The following RERE variants were observed in gnomAD, a reference collection of about 807,000 sequenced individuals.
RERE encodes the protein arginine-glutamic acid dipeptide repeats.
RERE carries 40 observed loss-of-function variants against 146.1 expected under a neutral mutation model. That is an observed-to-expected ratio of 0.27 (90% CI 0.21 to 0.36). The LOEUF is 0.36. Ranked by LOEUF, RERE falls within the 10% of genes least tolerant of loss-of-function variation. The pLI, the probability that RERE is intolerant of heterozygous loss-of-function variation, is 1.00. For missense variants in RERE, 1,933 were observed against 2,138.7 expected (o/e 0.90, Z 1.90); for synonymous variants, 1,003 against 866.0 (o/e 1.16, Z -2.78).
chr1:8,743,227 C>G (rs538698867), intron 1 of RERE, among the ~76,000 whole-genome samples: 5 of 151,908 alleles, frequency 3.3e-5, no homozygotes, highest in African/African-American at 1.2e-4. Flanking sequence ...AAGACCCCAT[C>G]TCTACAAAAA....
chr1:8,737,514 A>G (rs952905879), intron 1 of RERE, among the ~76,000 whole-genome samples: 3 of 152,170 alleles, frequency 2.0e-5, no homozygotes, highest in African/African-American at 7.2e-5. Context: ...TTGAAAAACA[A>G]TTGCAAGTTG....
intron 1 of RERE, among the ~76,000 whole-genome samples, chr1:8,711,139 A>C (rs1434742118): frequency 9.4e-6 from 1 of 106,426 alleles, no homozygotes; most frequent in African/African-American, 3.7e-5. Context: ...CCTGGGTGAC[A>C]GAGTGTGACT....
chr1:8,634,264 G>A (rs780358662), intron 2 of RERE, among the ~76,000 whole-genome samples: 2 of 152,022 alleles, frequency 1.3e-5, no homozygotes, highest in Non-Finnish European at 2.9e-5. Flanking sequence ...GTTCTATTCA[G>A]TTATCTGCCC....
At chr1:8,406,377 A>G (rs555554661) in intron 12 of RERE, among the ~76,000 whole-genome samples, 39 of 152,276 alleles carry the variant, frequency 2.6e-4, no homozygotes, top group African/African-American at 9.1e-4. Flanking sequence ...AGTCAGATTA[A>G]TATTTTCAAG....
chr1:8,676,517 C>T (rs1238582374), intron 1 of RERE, among the ~76,000 whole-genome samples: 5 of 152,082 alleles, frequency 3.3e-5, no homozygotes, highest in Non-Finnish European at 7.4e-5. Context: ...GGTGTCACCT[C>T]CCAAGTGTGA....
At chr1:8,698,356 CACT>C (rs1310225744) in intron 1 of RERE, among the ~76,000 whole-genome samples, 1 of 152,198 alleles carries the variant, frequency 6.6e-6, no homozygotes, top group Non-Finnish European at 1.5e-5. Flanking sequence ...CTGAATATAC[CACT>C]GTTTCTACCC....
chr1:8,461,770 G>A (rs1308052097), intron 11 of RERE, among the ~76,000 whole-genome samples: 1 of 152,202 alleles, frequency 6.6e-6, no homozygotes, highest in Non-Finnish European at 1.5e-5. Context: ...AGGAGGAGGA[G>A]GAAGAGGAGA....
chr1:8,657,031 G>A (rs776396840), intron 1 of RERE, among the ~76,000 whole-genome samples: 6 of 152,160 alleles, frequency 3.9e-5, no homozygotes, highest in Non-Finnish European at 5.9e-5. Flanking sequence ...GGCCGGGCGC[G>A]GTGGCTCACG....
At position 8,656,160 on chromosome 1, in the gene RERE, T is replaced by G; in HGVS notation, c.138A>C (p.Gly46=). 2 of 1,614,070 alleles carry G rather than the reference T, an allele frequency of 1.2e-6. No homozygotes were observed. The highest frequency in any genetic ancestry group is 1.7e-6 in the Non-Finnish European group (2 of 1,179,920). Residue 46 remains glycine (G), a synonymous_variant, in exon 2 of 23, where the codon GGA becomes GGC. Coordinates refer to ENST00000400908, the MANE Select transcript of RERE (RefSeq NM_001042681.2). ...RPRRSCTLEG[G]AKNYAESDHS... is the part of the protein sequence containing the mutation. ...GATCACTCTCAGCATAATTTTTGGC[T>G]CCTCCTTCCAAGGTACAGCTCCGGC...
At chr1:8,498,732 T>TATAC (rs150497092) in intron 8 of RERE, among the ~76,000 whole-genome samples, 2,076 of 107,818 alleles carry the variant, frequency 0.019, 119 homozygotes, top group African/African-American at 0.07. Flanking sequence ...AATAAATATA[T>TATAC]ACACACACAC....
rs961416358 is a variant in RERE, at chr1:8,633,529, G to A, written c.326-9149C>T. Among the ~76,000 whole-genome samples the A allele has an allele frequency of 2.6e-5, 4 of 152,178 alleles. No individual in the cohort carries two copies. The South Asian group carries it at 8.3e-4, about 32-fold the overall frequency. ...TAGAAATCACAACAATCCCGTGAGT[G>A]ATTTTTCTTCTTGAGTGATTACTCT... On this transcript the variant is annotated intron_variant, in intron 2 of 22. Transcript: ENST00000400908.
chr1:8,784,286 C>T (rs1169580211), intron 1 of RERE, among the ~76,000 whole-genome samples: 1 of 152,164 alleles, frequency 6.6e-6, no homozygotes, highest in African/African-American at 2.4e-5. Context: ...TCCTGACTCC[C>T]CTATTTAAAT....
intron 1 of RERE, among the ~76,000 whole-genome samples, chr1:8,781,189 C>A (rs1225703223): frequency 1.3e-5 from 2 of 151,994 alleles, no homozygotes; most frequent in African/African-American, 4.8e-5. Flanking sequence ...AACCCCGTCT[C>A]TACTAAAAAT....
chr1:8,516,227 GAAAAAAAAAA>G (rs58064164), intron 7 of RERE, among the ~76,000 whole-genome samples: 3 of 52,304 alleles, frequency 5.7e-5, no homozygotes, highest in East Asian at 5.3e-4. Context: ...TCTCTCAGAG[GAAAAAAAAAA>G]AAAAAAAAAA....
intron 1 of RERE, among the ~76,000 whole-genome samples, chr1:8,718,603 T>C (rs1639805174): frequency 6.6e-6 from 1 of 152,206 alleles, no homozygotes; most frequent in African/African-American, 2.4e-5. Context: ...TTTTAAATGG[T>C]AGGTGACTCT....
chr1:8,488,983 A>G (rs536331388), intron 10 of RERE, among the ~76,000 whole-genome samples: 16 of 152,360 alleles, frequency 1.1e-4, no homozygotes, highest in African/African-American at 3.1e-4. Context: ...AATCAGAGAT[A>G]GTACCATAAA....
chr1:8,682,409 T>C (rs1638991423), intron 1 of RERE, among the ~76,000 whole-genome samples: 1 of 152,224 alleles, frequency 6.6e-6, no homozygotes, highest in Admixed American at 6.5e-5. Flanking sequence ...TGAGGTACTA[T>C]GAAAATATTA....
At chr1:8,813,291 T>C (rs1323676409) in intron 1 of RERE, among the ~76,000 whole-genome samples, 4 of 152,222 alleles carry the variant, frequency 2.6e-5, no homozygotes, top group African/African-American at 7.2e-5. Flanking sequence ...AATTTTCTGC[T>C]ATCTTAACCT....
At chr1:8,793,159 A>AC (rs905497101) in intron 1 of RERE, among the ~76,000 whole-genome samples, 1 of 136,898 alleles carries the variant, frequency 7.3e-6, no homozygotes, top group Non-Finnish European at 1.5e-5. Flanking sequence ...TCCATCTCCA[A>AC]AAAAAAAAAA....
Sources: allele counts gnomAD v4.1 joint callset (sites outside exome capture counted in the v4.1 genomes callset), GRCh38; gene constraint gnomAD v4.1.1; transcripts MANE v1.5; gene names NCBI Gene and HGNC (gene_info 2026-07-23, HGNC 2026-07-21).